Variants in TDO2 observed in about 807,000 individuals in gnomAD.
TDO2 encodes tryptamin 2,3-dioxygenase.
TDO2 carries 63 observed loss-of-function variants against 61.2 expected under a neutral mutation model. The observed-to-expected ratio is 1.03, with a 90% confidence interval of 0.84 to 1.27. The LOEUF is 1.27. Ranked by LOEUF, TDO2 falls within the 50% of genes most tolerant of loss-of-function variation. TDO2 has a pLI of 0.00. For synonymous variants in TDO2, 183 were observed against 164.0 expected, an observed-to-expected ratio of 1.12 and a Z score of -0.89; for missense variants, 494 against 469.5, an observed-to-expected ratio of 1.05 and a Z score of -0.48.
rs1384804029 is a variant in TDO2, at chr4:155,905,245, T to C, written c.232+88T>C. On this transcript the variant is annotated intron_variant, in intron 3 of 11. Coordinates refer to ENST00000536354, the MANE Select transcript of TDO2 (RefSeq NM_005651.4). The stretch of plus-strand genomic sequence containing the variant: ...CTACAATTTTTAAACTACAAAATGA[T>C]GAAAGATCATGGAATCACCTCTGTT... The C allele has an allele frequency of 5.1e-6, 5 of 973,490 alleles. No individual in the cohort carries two copies. In the South Asian group the frequency reaches 7.8e-5, roughly 15 times the overall value. The allele number at this position is 973,490 out of a possible 1,614,324, so 60.3% of individuals were successfully genotyped here. A position where few individuals can be genotyped will look rare whatever the true frequency, so the allele number is the denominator to read the frequency against.
intron 6 of TDO2, 62 bp from the exon 7 acceptor site, chr4:155,911,435 G>A (rs1033511411): frequency 4.0e-5 from 44 of 1,111,178 alleles, no homozygotes; most frequent in East Asian, 1.6e-4. Flanking sequence ...TATACATGTC[G>A]GTTACAATGC....
rs1742834277 is a variant in TDO2, at chr4:155,911,666, T to G, written c.726+62T>G. ...AGAAATATTCAAAATTTTATTTTAA[T>G]TATTTTTTGCTTTTCTCTTAACCTT... On this transcript the variant is annotated intron_variant, in intron 7 of 11. Coordinates refer to ENST00000536354, the MANE Select transcript of TDO2 (RefSeq NM_005651.4). 3 of 1,206,422 alleles carry G rather than the reference T, an allele frequency of 2.5e-6. No individual in the cohort carries two copies. In the South Asian group the frequency reaches 5.6e-5, roughly 23 times the overall value. The allele number at this position is 1,206,422 out of a possible 1,614,324, so 74.7% of individuals were successfully genotyped here. A position where few individuals can be genotyped will look rare whatever the true frequency, so the allele number is the denominator to read the frequency against.
intron 7 of TDO2, among the ~76,000 whole-genome samples, chr4:155,913,103 T>C (rs528864415): frequency 6.6e-6 from 1 of 152,284 alleles, no homozygotes; most frequent in East Asian, 1.9e-4. Flanking sequence ...ACCTGGACTA[T>C]AATAATATCT....
At chr4:155,917,101 G>A (rs1742954821) in intron 9 of TDO2, among the ~76,000 whole-genome samples, 2 of 152,188 alleles carry the variant, frequency 1.3e-5, no homozygotes, top group Non-Finnish European at 2.9e-5. Flanking sequence ...ATCTGTAATA[G>A]TGCACCTGTC....
At chr4:155,918,795 A>G (rs1394398853) in intron 11 of TDO2, 1 of 152,572 alleles carries the variant, frequency 6.6e-6, no homozygotes, top group African/African-American at 2.4e-5. Context: ...GATATTCACA[A>G]TATCATAGAT....
Position 155,918,196 on chromosome 4 carries a change from AC to A in TDO2, c.1026del (p.Gly343ValfsTer13), listed in dbSNP as rs1742978375. ...VHRMLGSKAGTGGSSGYHYLR... is the reference protein window; with the variant it reads ...VHRMLGSKAGXGGSSGYHYLR... ...CAGAATGCTGGGCAGCAAAGCTGGC[AC>A]CGGTGGTTCCTCAGGCTATCACTAC... On this transcript the variant is annotated frameshift_variant, in exon 11 of 12. Transcript: ENST00000536354. LOFTEE classifies it high-confidence loss of function. 1 of 1,613,994 alleles carries A rather than the reference AC, an allele frequency of 6.2e-7. No individual in the cohort carries two copies. Among genetic ancestry groups the A allele is most frequent in the African/African-American group, 1.3e-5 (1 of 74,930 alleles).
At position 155,910,174 on chromosome 4, in the gene TDO2, A is replaced by C; in HGVS notation, c.581A>C (p.Lys194Thr). The C allele has an allele frequency of 6.3e-7, 1 of 1,590,460 alleles. No individual in the cohort carries two copies. The highest frequency in any genetic ancestry group is 1.4e-5 in the African/African-American group (1 of 73,276). ...FKGEENELLL[K>T]SEQEKTLLEL... ...GGAGAAGAAAATGAACTGCTACTTA[A>C]ATCTGAGCAGGAAAAGACACTTCTG... The change falls in exon 6 of 12, where the codon AAA becomes ACA. Residue 194 changes from lysine (K) to threonine (T), a missense_variant. Lys to Thr is a moderately conservative substitution (Grantham distance 78). Transcript: ENST00000536354.
chr4:155,904,369 G>T (rs889201065), intron 2 of TDO2, among the ~76,000 whole-genome samples: 1 of 152,170 alleles, frequency 6.6e-6, no homozygotes, highest in Non-Finnish European at 1.5e-5. Flanking sequence ...TCTGGGAGGC[G>T]TATACATGAT....
At position 155,904,090 on chromosome 4, in the gene TDO2, C is replaced by T; in HGVS notation, c.108C>T (p.Ser36=). 1 of 1,614,028 alleles carries T rather than the reference C, an allele frequency of 6.2e-7. No individual in the cohort carries two copies. Among genetic ancestry groups the T allele is most frequent in the Non-Finnish European group, 8.5e-7 (1 of 1,179,980 alleles). The part of the protein sequence containing the change: ...DKSQTGVNRA[S]KGGLIYGNYL... ...CACAAACTGGTGTGAATAGAGCCAG[C>T]AAAGGAGGTCTTATCTATGGGAACT... Residue 36 remains serine (S), a synonymous_variant, in exon 2 of 12, where the codon AGC becomes AGT. Transcript: ENST00000536354.
chr4:155,919,193 G>C (rs1742998441), intron 11 of TDO2, among the ~76,000 whole-genome samples: 1 of 152,190 alleles, frequency 6.6e-6, no homozygotes, highest in African/African-American at 2.4e-5. Context: ...TATAGAGTTA[G>C]AAACTGGGGC....
intron 3 of TDO2, chr4:155,907,519 A>T (rs2110866767): frequency 1.9e-6 from 1 of 534,758 alleles, no homozygotes; most frequent in East Asian, 3.1e-5. Context: ...CATGTCTAGC[A>T]TATTAAAACA....
intron 9 of TDO2, among the ~76,000 whole-genome samples, chr4:155,916,193 A>T (rs1379349425): frequency 9.0e-6 from 1 of 110,590 alleles, no homozygotes; most frequent in East Asian, 2.7e-4. Flanking sequence ...TTTGAGACGG[A>T]GTCTCGCTCT....
chr4:155,906,269 T>G (rs1370415567), intron 3 of TDO2: 1 of 152,152 alleles, frequency 6.6e-6, no homozygotes, highest in African/African-American at 2.4e-5. Flanking sequence ...GCTATCATTA[T>G]TTTATAAAAA....
Position 155,903,900 on chromosome 4 carries a change from C to T in TDO2, c.35+107C>T, listed in dbSNP as rs890943398. On this transcript the variant is annotated intron_variant, in intron 1 of 11. Coordinates refer to ENST00000536354, the MANE Select transcript of TDO2 (RefSeq NM_005651.4). Reference sequence around the variant, plus strand: ...GCATTGAAAACTGTCACCTTTATTCCTTTGTCTAACAATCTACTCTAAAGA... The same window carrying T: ...GCATTGAAAACTGTCACCTTTATTCTTTTGTCTAACAATCTACTCTAAAGA... 9.9e-6 allele frequency: 15 copies of T among 1,513,902 alleles called. No homozygotes were observed. In the Admixed American group the frequency reaches 1.5e-4, roughly 16 times the overall value. 93.8% of individuals were successfully genotyped at this position (1,513,902 alleles called of 1,614,324 possible). A position where few individuals can be genotyped will look rare whatever the true frequency, so the allele number is the denominator to read the frequency against.
Position 155,918,094 on chromosome 4 carries a change from T to C in TDO2, c.977-55T>C, listed in dbSNP as rs1742975240. 6.6e-6 allele frequency: 10 copies of C among 1,525,202 alleles called. No individual in the cohort carries two copies. In the South Asian group the frequency reaches 8.0e-5, roughly 12 times the overall value. 94.5% of individuals were successfully genotyped at this position (1,525,202 alleles called of 1,614,324 possible). On this transcript the variant is annotated intron_variant, in intron 10 of 11. Transcript: ENST00000536354. ...TTACCAACCCCTCATTGTTAGAACATTGTGGAACTAATGGTGGAAAAATAT... is the reference window on the plus strand; with the variant it reads ...TTACCAACCCCTCATTGTTAGAACACTGTGGAACTAATGGTGGAAAAATAT...
intron 3 of TDO2, chr4:155,906,468 C>T (rs976237536): frequency 3.3e-5 from 5 of 152,062 alleles, no homozygotes; most frequent in Admixed American, 2.6e-4. Flanking sequence ...GGAAACATTG[C>T]CTTTATCCAT....
At chr4:155,912,789 A>G (rs959637012) in intron 7 of TDO2, among the ~76,000 whole-genome samples, 3 of 152,154 alleles carry the variant, frequency 2.0e-5, no homozygotes, top group African/African-American at 7.2e-5. Flanking sequence ...GAACATGTAT[A>G]TAATACCTTA....
At chr4:155,909,663 T>C (rs1742781484) in intron 5 of TDO2, among the ~76,000 whole-genome samples, 1 of 152,018 alleles carries the variant, frequency 6.6e-6, no homozygotes, top group African/African-American at 2.4e-5. Flanking sequence ...TATCCGATGA[T>C]ATTTAAGTAG....
Position 155,911,588 on chromosome 4 carries a change from A to T in TDO2, c.710A>T (p.Glu237Val). 6.3e-7 allele frequency: 1 copy of T among 1,586,968 alleles called. No homozygotes were observed. Among genetic ancestry groups the T allele is most frequent in the Non-Finnish European group, 8.6e-7 (1 of 1,165,304 alleles). ...AATATCACCAGAGGCCTGGAAGAGG[A>T]ATTCATAAGGATTCAGGTATTTAGA... ...EKNITRGLEEEFIRIQAKEES... is the reference protein window; with the variant it reads ...EKNITRGLEEVFIRIQAKEES... Residue 237 changes from glutamate to valine, a missense_variant, in exon 7 of 12, where the codon GAA (glutamate) becomes GTA (valine). By Grantham distance (121) the Glu-to-Val change is moderately radical. Transcript: ENST00000536354.
Sources: allele counts gnomAD v4.1 joint callset (sites outside exome capture counted in the v4.1 genomes callset), GRCh38; gene constraint gnomAD v4.1.1; transcripts MANE v1.5; gene names NCBI Gene and HGNC (gene_info 2026-07-23, HGNC 2026-07-21).